The following NCKAP5 variants were observed in gnomAD, a reference collection of about 807,000 sequenced individuals.
NCKAP5 encodes the protein nck-associated protein 5.
Under a neutral mutation model 167.0 loss-of-function variants are expected in NCKAP5, and 92 were observed. The observed-to-expected ratio is 0.55, with a 90% CI of 0.47 to 0.66. The LOEUF is 0.66. Ranked by LOEUF, NCKAP5 falls within the 30% of genes least tolerant of loss-of-function variation. The pLI is 0.00. For synonymous variants in NCKAP5, 891 were observed against 877.4 expected (o/e 1.02, Z -0.27); for missense variants, 2,378 against 2,315.0 (o/e 1.03, Z -0.56).
At position 132,672,175 on chromosome 2, in the gene NCKAP5, A is replaced by G. The variant is rs2104943091; in HGVS notation, c.*1114T>C. 6.5e-6 allele frequency: 1 copy of G among 152,770 alleles called. No individual in the cohort carries two copies. The highest frequency in any genetic ancestry group is 2.4e-5 in the African/African-American group (1 of 41,594). The allele number at this position is 152,770 out of a possible 1,614,324, so 9.5% of individuals were successfully genotyped here. On this transcript the variant is annotated 3_prime_UTR_variant, in exon 20 of 20. Coordinates refer to ENST00000409261, the MANE Select transcript of NCKAP5 (RefSeq NM_207363.3). ...ACCATTAATTTTATTTTTAAAAGTG[A>G]ACATTGCAAATAGAAATTTGTTTTC...
At chr2:132,722,854 CACCCAGGCTGT>C (rs1690060777) in intron 19 of NCKAP5, among the ~76,000 whole-genome samples, 1 of 152,100 alleles carries the variant, frequency 6.6e-6, no homozygotes, top group South Asian at 2.1e-4. Flanking sequence ...CTTGCTGTGT[CACCCAGGCTGT>C]ACTGCAGTGG....
At chr2:133,351,255 G>T (rs545138652) in intron 3 of NCKAP5, among the ~76,000 whole-genome samples, 16 of 152,208 alleles carry the variant, frequency 1.1e-4, no homozygotes, top group African/African-American at 3.4e-4. Flanking sequence ...CACTCACAGG[G>T]TTTTCTCTGC....
At chr2:133,645,750 G>A in the NCKAP5 span, among the ~76,000 whole-genome samples, 1 of 152,036 alleles carries the variant, frequency 6.6e-6, no homozygotes, top group Admixed American at 6.6e-5. Context: ...TTTAATATTT[G>A]CATTAGTAGT....
At chr2:133,112,924 T>C (rs2081962322) in intron 6 of NCKAP5, among the ~76,000 whole-genome samples, 1 of 152,214 alleles carries the variant, frequency 6.6e-6, no homozygotes. Context: ...AATCTTCTGC[T>C]GGCCTTACAC....
the NCKAP5 span, among the ~76,000 whole-genome samples, chr2:133,581,890 T>C: frequency 2.6e-5 from 4 of 152,216 alleles, no homozygotes; most frequent in Non-Finnish European, 5.9e-5. Flanking sequence ...TTTCTTTCAA[T>C]AGTAGTAGGC....
At chr2:133,437,222 A>G (rs142287749) in intron 3 of NCKAP5, among the ~76,000 whole-genome samples, 5,515 of 152,014 alleles carry the variant, frequency 0.036, 139 homozygotes, top group African/African-American at 0.048. Flanking sequence ...GCGTGGTGGC[A>G]GGCGCCTGTA....
chr2:133,638,917 TG>T, the NCKAP5 span, among the ~76,000 whole-genome samples: 1 of 147,572 alleles, frequency 6.8e-6, no homozygotes. Context: ...GCAGTAACAA[TG>T]TGGGAGAAGT....
chr2:133,304,236 C>A (rs892554945), intron 3 of NCKAP5, among the ~76,000 whole-genome samples: 12 of 152,082 alleles, frequency 7.9e-5, no homozygotes, highest in Admixed American at 7.9e-4. Context: ...GAGTTGATCC[C>A]ATATAATGGA....
At chr2:133,236,070 C>CAAAA (rs527705526) in intron 4 of NCKAP5, among the ~76,000 whole-genome samples, 608 of 15,670 alleles carry the variant, frequency 0.039, 132 homozygotes, top group Non-Finnish European at 0.072. Context: ...TGTCTCAGAC[C>CAAAA]AAAAAAAAAA....
chr2:132,772,606 C>G (rs1177181939), intron 16 of NCKAP5, among the ~76,000 whole-genome samples: 3 of 152,276 alleles, frequency 2.0e-5, no homozygotes, highest in Admixed American at 6.5e-5. Context: ...CGAATATTAG[C>G]TAACTAGGCA....
intron 4 of NCKAP5, among the ~76,000 whole-genome samples, chr2:133,243,263 T>C (rs1485831692): frequency 6.6e-6 from 1 of 152,164 alleles, no homozygotes; most frequent in Non-Finnish European, 1.5e-5. Flanking sequence ...TAAGTCCCTT[T>C]TGAACAAATA....
At chr2:132,751,340 C>A (rs72844790) in intron 16 of NCKAP5, among the ~76,000 whole-genome samples, 1 of 152,022 alleles carries the variant, frequency 6.6e-6, no homozygotes, top group Non-Finnish European at 1.5e-5. Flanking sequence ...TGGAGGCTTC[C>A]TGAGGTCTCA....
intron 4 of NCKAP5, among the ~76,000 whole-genome samples, chr2:133,289,282 A>G (rs7568818): frequency 0.027 from 4,052 of 152,238 alleles, 167 homozygotes; most frequent in African/African-American, 0.091. Flanking sequence ...AATAATCATA[A>G]TTTATTTTTA....
chr2:132,696,293 C>G (rs1472557180), intron 19 of NCKAP5, among the ~76,000 whole-genome samples: 2 of 152,184 alleles, frequency 1.3e-5, no homozygotes, highest in Non-Finnish European at 2.9e-5. Flanking sequence ...GAGCTCACAC[C>G]TACAAAAGGT....
intron 4 of NCKAP5, among the ~76,000 whole-genome samples, chr2:133,257,840 T>G (rs1160956939): frequency 6.6e-6 from 1 of 152,194 alleles, no homozygotes; most frequent in Admixed American, 6.5e-5. Context: ...CTGTGTGACC[T>G]TTATACTGTG....
the NCKAP5 span, among the ~76,000 whole-genome samples, chr2:133,613,179 G>A: frequency 6.6e-6 from 1 of 152,180 alleles, no homozygotes; most frequent in African/African-American, 2.4e-5. Context: ...TACATCTAAT[G>A]GAGACATTCC....
chr2:133,189,084 A>G (rs969323847), intron 5 of NCKAP5, among the ~76,000 whole-genome samples: 6 of 152,094 alleles, frequency 3.9e-5, no homozygotes, highest in Non-Finnish European at 7.4e-5. Flanking sequence ...TAGACACAAT[A>G]AAAAATGATA....
chr2:132,905,573 G>A (rs975454928), intron 8 of NCKAP5, among the ~76,000 whole-genome samples: 6 of 151,940 alleles, frequency 3.9e-5, no homozygotes, highest in African/African-American at 1.5e-4. Flanking sequence ...TGTAATATTT[G>A]GCCTGCCTAT....
chr2:133,188,837 T>G (rs528307805), intron 5 of NCKAP5, among the ~76,000 whole-genome samples: 70 of 151,810 alleles, frequency 4.6e-4, no homozygotes, highest in South Asian at 2.9e-3. Flanking sequence ...AAGCAGGAAA[T>G]ATCTAAAATT....
Sources: allele counts gnomAD v4.1 joint callset (sites outside exome capture counted in the v4.1 genomes callset), GRCh38; gene constraint gnomAD v4.1.1; transcripts MANE v1.5; gene names NCBI Gene and HGNC (gene_info 2026-07-23, HGNC 2026-07-21).